The following YME1L1 variants were observed in gnomAD, a reference collection of about 807,000 sequenced individuals.
YME1L1 encodes the protein ATP-dependent zinc metalloprotease YME1L1.
In YME1L1, 39 loss-of-function variants were observed where a neutral mutation model predicts 90.4. The ratio of observed to expected loss-of-function variants is 0.43; its 90% CI spans 0.33 to 0.56. The LOEUF (loss-of-function observed/expected upper bound fraction) is 0.56, where lower values mean the gene tolerates loss of function less well. YME1L1 is among the 20% of genes least tolerant of loss of function. The pLI, the probability that YME1L1 is intolerant of heterozygous loss-of-function variation, is 0.03. For synonymous variants in YME1L1, 284 were observed against 287.3 expected (o/e 0.99, Z 0.12); for missense variants, 617 against 868.4 (o/e 0.71, Z 3.64).
chr10:27,121,286 G>C, intron 12 of YME1L1, 100 bp downstream of exon 12: 1 of 825,730 alleles, frequency 1.2e-6, no homozygotes, highest in Middle Eastern at 3.3e-4. Context: ...CATATAAATG[G>C]AATCATACAG....
intron 2 of YME1L1, chr10:27,147,754 C>G (rs567369071): frequency 6.6e-7 from 1 of 1,518,048 alleles, no homozygotes; most frequent in Non-Finnish European, 8.9e-7. Context: ...TCTATAGCAT[C>G]TGGCTCCTGT....
intron 1 of YME1L1, 93 bp from the exon 2 acceptor site, chr10:27,149,133 G>C: frequency 1.7e-6 from 2 of 1,161,182 alleles, no homozygotes; most frequent in Non-Finnish European, 2.4e-6. Context: ...AGAGTTAAAG[G>C]TACATTATAT....
chr10:27,147,428 A>C, intron 2 of YME1L1: 2 of 1,613,290 alleles, frequency 1.2e-6, no homozygotes, highest in Non-Finnish European at 1.7e-6. Context: ...AACCTGAACT[A>C]AGCCGTGACT....
rs575789180 is a variant in YME1L1 at position 27,143,554 on chromosome 10, C to T, written c.332-1069G>A. On this transcript the variant is annotated intron_variant, in intron 3 of 18. Transcript: ENST00000376016. ...CTCTACTAAAAATACAAAAATTAGC[C>T]GGGCGTGGTGGCGGATGCGTGTAGT... 1.1e-4 allele frequency among the ~76,000 whole-genome samples: 16 copies of T among 151,828 alleles called. No homozygotes were observed. In the South Asian group the frequency reaches 1.9e-3, roughly 18 times the overall value.
At chr10:27,112,224 A>C in intron 18 of YME1L1, 104 bp from the exon 19 acceptor site, 2 of 963,656 alleles carry the variant, frequency 2.1e-6, no homozygotes, top group South Asian at 3.4e-5. Context: ...AAAATATGAA[A>C]TCTGTTTATA....
At chr10:27,128,771 T>C (rs2056946182) in intron 8 of YME1L1, among the ~76,000 whole-genome samples, 1 of 151,332 alleles carries the variant, frequency 6.6e-6, no homozygotes, top group African/African-American at 2.4e-5. Context: ...TAGCCAGGCA[T>C]AGGGGCACAC....
rs1353914522 is a variant in YME1L1, at chr10:27,133,948, GTTCT to G, written c.775+87_775+90del. ...ATTCTAGTACTGTAAACATTAATATGTTCTTTCTTTAAGGGTTAGATTAGGCATT... is the reference window on the plus strand; with the variant it reads ...ATTCTAGTACTGTAAACATTAATATGTTCTTTAAGGGTTAGATTAGGCATT... On this transcript the variant is annotated intron_variant, in intron 7 of 18. Coordinates refer to ENST00000376016, the MANE Select transcript of YME1L1 (RefSeq NM_014263.4). 10 of 900,984 alleles carry G rather than the reference GTTCT, an allele frequency of 1.1e-5. No individual in the cohort carries two copies. In the East Asian group the frequency reaches 1.8e-4, roughly 16 times the overall value. 55.8% of individuals were successfully genotyped at this position (900,984 alleles called of 1,614,324 possible). A position where few individuals can be genotyped will look rare whatever the true frequency, so the allele number is the denominator to read the frequency against.
intron 11 of YME1L1, among the ~76,000 whole-genome samples, chr10:27,122,597 A>G (rs2056878139): frequency 6.6e-6 from 1 of 152,246 alleles, no homozygotes; most frequent in African/African-American, 2.4e-5. Context: ...TATAAATACC[A>G]TAAATTAAAT....
chr10:27,152,675 T>C (rs572351112), intron 1 of YME1L1, among the ~76,000 whole-genome samples: 9 of 152,306 alleles, frequency 5.9e-5, no homozygotes, highest in Middle Eastern at 3.4e-3. Flanking sequence ...TCTTGGTAAA[T>C]AGCACCTTCA....
At chr10:27,124,120 G>C (rs2056894198) in intron 9 of YME1L1, among the ~76,000 whole-genome samples, 1 of 152,162 alleles carries the variant, frequency 6.6e-6, no homozygotes, top group African/African-American at 2.4e-5. Context: ...ACAAGACTGA[G>C]AGTACATGAT....
In YME1L1 at chr10:27,126,726, A is replaced by G; in HGVS notation, c.919T>C (p.Phe307Leu). 1.9e-6 allele frequency: 3 copies of G among 1,584,062 alleles called. No individual in the cohort carries two copies. The highest frequency in any genetic ancestry group is 2.6e-6 in the Non-Finnish European group (3 of 1,166,256). Residue 307 changes from phenylalanine to leucine, a missense_variant, in exon 9 of 19, where the codon TTT becomes CTT. Physicochemically the swap from Phe to Leu is conservative, Grantham distance 22. Coordinates refer to ENST00000376016, the MANE Select transcript of YME1L1 (RefSeq NM_014263.4). The part of the protein sequence containing the change: ...VVEFLKNPQK[F>L]TILGGKLPKG... ...GGAAGTTTACCTCCAAGAATAGTAA[A>G]TTTTTGTGGATTTTTCAAGAATTCA...
At chr10:27,133,748 T>C (rs2056998838) in intron 7 of YME1L1, among the ~76,000 whole-genome samples, 1 of 152,176 alleles carries the variant, frequency 6.6e-6, no homozygotes, top group Non-Finnish European at 1.5e-5. Flanking sequence ...ATCTTTGAAA[T>C]AGAAGACTAT....
chr10:27,117,560 A>G lies in YME1L1; in HGVS notation c.1719+16T>C, dbSNP rs1024575555. ...TCCAGCCTGGGTGACAGGGCGAGAC[A>G]CTACAAAAAACTTACATGTCCAAGT... On this transcript the variant is annotated intron_variant, in intron 15 of 18. Transcript: ENST00000376016. 6 of 1,611,444 alleles carry G rather than the reference A, an allele frequency of 3.7e-6. No individual in the cohort carries two copies. Among genetic ancestry groups the G allele is most frequent in the South Asian group, 1.1e-5 (1 of 90,958 alleles).
At chr10:27,141,601 GACACACACACACAC>G (rs60043957) in intron 4 of YME1L1, among the ~76,000 whole-genome samples, 53 of 141,580 alleles carry the variant, frequency 3.7e-4, no homozygotes, top group African/African-American at 8.3e-4. Context: ...GATGTCCCTC[GACACACACACACAC>G]ACACACACAC....
chr10:27,145,463 TG>T lies in YME1L1; in HGVS notation c.295del (p.His99MetfsTer15). 6.2e-7 allele frequency: 1 copy of T among 1,613,182 alleles called. No homozygotes were observed. Among genetic ancestry groups the T allele is most frequent in the Non-Finnish European group, 8.5e-7 (1 of 1,179,400 alleles). ...KNISSHWHTSHVSAQSFFENK... is the reference protein window; with the variant it reads ...KNISSHWHTSXVSAQSFFENK... ...TTCAAAGAAGGATTGTGCAGAGACA[TG>T]GGATGTATGCCAATGGGAAGAAATG... On this transcript the variant is annotated frameshift_variant, in exon 3 of 19. Coordinates refer to ENST00000376016, the MANE Select transcript of YME1L1 (RefSeq NM_014263.4). LOFTEE classifies it high-confidence loss of function.
intron 8 of YME1L1, 73 bp from the exon 9 acceptor site, chr10:27,126,859 T>C (rs2056925127): frequency 2.3e-6 from 2 of 860,080 alleles, no homozygotes; most frequent in Non-Finnish European, 3.6e-6. Flanking sequence ...GCTTCCCTTT[T>C]GAAAATCATA....
chr10:27,123,820 A>G, intron 9 of YME1L1, 121 bp from the exon 10 acceptor site: 1 of 1,027,576 alleles, frequency 9.7e-7, no homozygotes, highest in Admixed American at 3.3e-5. Flanking sequence ...ACCAATAACC[A>G]ATATTTTGAA....
Position 27,111,702 on chromosome 10 carries a change from T to C in YME1L1, c.*275A>G. 2.0e-6 allele frequency: 1 copy of C among 490,262 alleles called. No homozygotes were observed. The highest frequency in any genetic ancestry group is 2.1e-5 in the South Asian group (1 of 48,630). The allele number at this position is 490,262 out of a possible 1,614,324, so 30.4% of individuals were successfully genotyped here. A position where few individuals can be genotyped will look rare whatever the true frequency, so the allele number is the denominator to read the frequency against. On this transcript the variant is annotated 3_prime_UTR_variant, in exon 19 of 19. Coordinates refer to ENST00000376016, the MANE Select transcript of YME1L1 (RefSeq NM_014263.4). ...CATAAAATCATTAATTACTTTCAAC[T>C]TAATAACTAATTGACATTCCTCAAA... is the stretch of plus-strand genomic sequence containing the variant.
intron 2 of YME1L1, chr10:27,146,911 T>C (rs1460688803): frequency 1.2e-5 from 2 of 160,572 alleles, no homozygotes; most frequent in Admixed American, 5.8e-5. Flanking sequence ...CATGCCTTAC[T>C]CATCTACGTA....
Sources: gnomAD v4.1 joint callset for allele counts (sites outside exome capture counted in the v4.1 genomes callset) on GRCh38, gnomAD v4.1.1 for gene constraint, MANE v1.5 for transcripts, NCBI Gene and HGNC (gene_info 2026-07-23, HGNC 2026-07-21) for gene names.